PLSCR4: variants seen among roughly 807,000 people sequenced by gnomAD.
PLSCR4 encodes the protein phospholipid scramblase 4, also known as Ca(2+)-dependent phospholipid scramblase 4.
A neutral mutation model predicts 36.3 loss-of-function variants in PLSCR4; 25 were observed. The ratio of observed to expected loss-of-function variants is 0.69; its 90% CI spans 0.50 to 0.96. The LOEUF is 0.96. Ranked by LOEUF, PLSCR4 falls within the 40% of genes least tolerant of loss-of-function variation. The probability of loss-of-function intolerance (pLI) is 0.00; values close to 1 mark genes in which losing one functional copy is unlikely to be tolerated. For missense variants in PLSCR4, 408 were observed against 414.7 expected (o/e 0.98, Z 0.14); for synonymous variants, 122 against 132.9 (o/e 0.92, Z 0.56).
At chr3:146,225,437 CT>C (rs1275479364) in intron 1 of PLSCR4, among the ~76,000 whole-genome samples, 1 of 152,172 alleles carries the variant, frequency 6.6e-6, no homozygotes, top group Non-Finnish European at 1.5e-5. Context: ...GCTTGCACTC[CT>C]CAGCCCTTGG....
intron 3 of PLSCR4, among the ~76,000 whole-genome samples, chr3:146,208,009 G>T (rs1204087766): frequency 2.6e-5 from 4 of 152,090 alleles, no homozygotes; most frequent in African/African-American, 9.7e-5. Context: ...AAATCTGGAG[G>T]CATCACATTA....
rs905185129 is a variant in PLSCR4, at chr3:146,193,090, A to G, written c.*1321T>C. On this transcript the variant is annotated 3_prime_UTR_variant, in exon 9 of 9. Transcript: ENST00000354952. The stretch of plus-strand genomic sequence containing the variant: ...GCAGTCCATATGCAGGTAGAAAACT[A>G]AAGTGCAACAGAAGCAAGTTAATTA... The G allele has an allele frequency of 2.6e-5, 4 of 152,168 alleles. No individual in the cohort carries two copies. Among genetic ancestry groups the G allele is most frequent in the East Asian group, 1.9e-4 (1 of 5,188 alleles). The allele number at this position is 152,168 out of a possible 1,614,324, so 9.4% of individuals were successfully genotyped here.
chr3:146,195,064 T>A, intron 8 of PLSCR4, 60 bp downstream of exon 8: 1 of 1,466,422 alleles, frequency 6.8e-7, no homozygotes, highest in Non-Finnish European at 9.5e-7. Flanking sequence ...TACTACACTA[T>A]ACTGCTTCTC....
intron 7 of PLSCR4, among the ~76,000 whole-genome samples, chr3:146,196,136 A>C (rs2033726141): frequency 6.6e-6 from 1 of 152,190 alleles, no homozygotes; most frequent in Admixed American, 6.6e-5. Flanking sequence ...AAAAATGTTA[A>C]AACTATTATA....
chr3:146,237,090 T>C (rs2035950030), intron 1 of PLSCR4, among the ~76,000 whole-genome samples: 1 of 151,998 alleles, frequency 6.6e-6, no homozygotes, highest in Admixed American at 6.6e-5. Flanking sequence ...ATACGTCATA[T>C]ACAAGAGACA....
At chr3:146,234,254 A>G (rs1193420016) in intron 1 of PLSCR4, among the ~76,000 whole-genome samples, 1 of 152,332 alleles carries the variant, frequency 6.6e-6, no homozygotes, top group Admixed American at 6.5e-5. Context: ...ATCCTGAAAC[A>G]TAGTAGTAGA....
intron 1 of PLSCR4, among the ~76,000 whole-genome samples, chr3:146,229,128 C>T (rs990264408): frequency 2.6e-4 from 39 of 152,274 alleles, no homozygotes; most frequent in African/African-American, 9.4e-4. Flanking sequence ...TTATTCTGGT[C>T]TTTGCCCTGG....
chr3:146,247,943 A>AT (rs1396524644), intron 1 of PLSCR4, among the ~76,000 whole-genome samples: 8 of 152,158 alleles, frequency 5.3e-5, no homozygotes, highest in Non-Finnish European at 4.4e-5. Flanking sequence ...ATTAAAAACA[A>AT]TTTTTTTCCA....
In PLSCR4 at chr3:146,206,626, G is replaced by A; in HGVS notation, c.254C>T (p.Pro85Leu). Residue 85 changes from proline to leucine, a missense_variant, in exon 4 of 9, where the codon CCT (proline) becomes CTT (leucine). Coordinates refer to ENST00000354952, the MANE Select transcript of PLSCR4 (RefSeq NM_020353.3). The stretch of plus-strand genomic sequence containing the variant: ...CTGATTTGGCATAGGATATTTGCCA[G>A]GCTGATACCGGACAGGATGGATACC... ...VGGIHPVRYQ[P>L]GKYPMPNQSV... The A allele has an allele frequency of 6.2e-7, 1 of 1,613,538 alleles. No individual in the cohort carries two copies. Among genetic ancestry groups the A allele is most frequent in the Non-Finnish European group, 8.5e-7 (1 of 1,179,700 alleles).
At chr3:146,227,526 T>G (rs1403179569) in intron 1 of PLSCR4, among the ~76,000 whole-genome samples, 1 of 152,192 alleles carries the variant, frequency 6.6e-6, no homozygotes, top group Non-Finnish European at 1.5e-5. Flanking sequence ...CTGTAAACAG[T>G]GACAAACTCT....
intron 4 of PLSCR4, among the ~76,000 whole-genome samples, chr3:146,204,508 T>C (rs1347843564): frequency 6.6e-6 from 1 of 151,928 alleles, no homozygotes; most frequent in African/African-American, 2.4e-5. Context: ...AGGTTAGAAA[T>C]TTTATCAAAG....
At chr3:146,248,141 C>G (rs1408415814) in intron 1 of PLSCR4, among the ~76,000 whole-genome samples, 1 of 151,630 alleles carries the variant, frequency 6.6e-6, no homozygotes, top group Non-Finnish European at 1.5e-5. Context: ...GCTGTTCTTG[C>G]AATAAACATC....
intron 1 of PLSCR4, among the ~76,000 whole-genome samples, chr3:146,230,899 A>C (rs2035684211): frequency 6.6e-6 from 1 of 151,936 alleles, no homozygotes; most frequent in Admixed American, 6.6e-5. Context: ...AGGGTGAACA[A>C]GTGCAGGTTT....
chr3:146,226,320 T>C (rs1350956392), intron 1 of PLSCR4, among the ~76,000 whole-genome samples: 2 of 152,236 alleles, frequency 1.3e-5, no homozygotes, highest in Non-Finnish European at 2.9e-5. Context: ...GACAGTTATA[T>C]GTTGAGTGTG....
At chr3:146,223,395 C>A (rs374755837) in intron 1 of PLSCR4, among the ~76,000 whole-genome samples, 1 of 143,468 alleles carries the variant, frequency 7.0e-6, no homozygotes, top group South Asian at 2.2e-4. Context: ...GGGCCCAATT[C>A]TTTTCACATA....
At chr3:146,203,814 A>AT (rs1341400777) in intron 4 of PLSCR4, among the ~76,000 whole-genome samples, 1 of 152,002 alleles carries the variant, frequency 6.6e-6, no homozygotes, top group African/African-American at 2.4e-5. Context: ...AACTTTCTCC[A>AT]TATCAGCAAT....
intron 3 of PLSCR4, among the ~76,000 whole-genome samples, chr3:146,217,271 G>C (rs978880906): frequency 6.6e-6 from 1 of 152,116 alleles, no homozygotes; most frequent in Non-Finnish European, 1.5e-5. Flanking sequence ...ATGCAGAGAA[G>C]GTATACTACG....
intron 1 of PLSCR4, among the ~76,000 whole-genome samples, chr3:146,237,978 T>A (rs1401992629): frequency 6.6e-6 from 1 of 151,686 alleles, no homozygotes; most frequent in Non-Finnish European, 1.5e-5. Context: ...AAGATTCAAA[T>A]TACCAAAATA....
chr3:146,197,593 TAA>T (rs997764175), intron 6 of PLSCR4, among the ~76,000 whole-genome samples: 1 of 152,318 alleles, frequency 6.6e-6, no homozygotes, highest in South Asian at 2.1e-4. Context: ...AGCCATTTTT[TAA>T]AAGTTTTAAA....
Sources: allele counts gnomAD v4.1 joint callset (sites outside exome capture counted in the v4.1 genomes callset), GRCh38; gene constraint gnomAD v4.1.1; transcripts MANE v1.5; gene names NCBI Gene and HGNC (gene_info 2026-07-23, HGNC 2026-07-21).